DTHD1: variants seen among roughly 807,000 people sequenced by gnomAD.
DTHD1 encodes the protein death domain-containing protein 1.
A neutral mutation model predicts 74.8 loss-of-function variants in DTHD1; 59 were observed. The ratio of observed to expected loss-of-function variants is 0.79; its 90% confidence interval spans 0.64 to 0.98. The LOEUF is 0.98. DTHD1 is among the 50% of genes least tolerant of loss of function. The probability of loss-of-function intolerance (pLI) is 0.00; values close to 1 mark genes in which losing one functional copy is unlikely to be tolerated. For missense variants in DTHD1, 1,051 were observed against 1,065.4 expected (o/e 0.99, Z 0.19); for synonymous variants, 365 against 371.1 (o/e 0.98, Z 0.19).
chr4:36,314,359 A>G (rs1314320157), intron 7 of DTHD1, among the ~76,000 whole-genome samples: 1 of 152,016 alleles, frequency 6.6e-6, no homozygotes, highest in African/African-American at 2.4e-5. Flanking sequence ...TAACCGAAGG[A>G]AGTTTCCATG....
Position 36,302,501 on chromosome 4 carries a change from A to C in DTHD1, c.1644-3690A>C, listed in dbSNP as rs1282441013. Among the ~76,000 whole-genome samples, 3 of 152,228 alleles carry C rather than the reference A, an allele frequency of 2.0e-5. No homozygotes were observed. In the South Asian group the frequency reaches 6.2e-4, roughly 32 times the overall value. ...GTGATTACACCGATTACAAATGGTA[A>C]AATTAAGGTACAGAGTTTGTCATAA... On this transcript the variant is annotated intron_variant, in intron 5 of 9. Coordinates refer to ENST00000639862, the MANE Select transcript of DTHD1 (RefSeq NM_001170700.3).
chr4:36,309,936 A>G (rs558712833), intron 7 of DTHD1, among the ~76,000 whole-genome samples: 8 of 152,330 alleles, frequency 5.3e-5, no homozygotes, highest in South Asian at 2.1e-4. Flanking sequence ...GCTCCCACTT[A>G]TAAGAACATG....
chr4:36,339,149 G>T lies in DTHD1; in HGVS notation c.2378G>T (p.Arg793Ile). 6.5e-7 allele frequency: 1 copy of T among 1,547,756 alleles called. No homozygotes were observed. The highest frequency in any genetic ancestry group is 8.7e-7 in the Non-Finnish European group (1 of 1,144,060). ...KLINRPQSTK[R>I]VSKDPVEALW... is the part of the protein sequence containing the mutation. The stretch of plus-strand genomic sequence containing the variant: ...ATCAACCGTCCACAGAGTACCAAAA[G>T]AGTTTCTAAGGATCCTGTAGGTGAG... The change falls in exon 9 of 10, where the codon AGA becomes ATA. Residue 793 changes from arginine (R) to isoleucine (I), a missense_variant. By Grantham distance (97) the Arg-to-Ile change is moderately conservative. Coordinates refer to ENST00000639862, the MANE Select transcript of DTHD1 (RefSeq NM_001170700.3).
At chr4:36,337,077 G>A (rs113996766) in intron 8 of DTHD1, among the ~76,000 whole-genome samples, 1,822 of 152,222 alleles carry the variant, frequency 0.012, 25 homozygotes, top group African/African-American at 0.042. Context: ...TTGGCTGACT[G>A]TTCTGCTTGT....
At chr4:36,282,368 C>T (rs930681106) in intron 1 of DTHD1, among the ~76,000 whole-genome samples, 3 of 152,250 alleles carry the variant, frequency 2.0e-5, no homozygotes, top group East Asian at 1.9e-4. Context: ...AAGAGAGAGT[C>T]GGTAATTTTA....
intron 8 of DTHD1, among the ~76,000 whole-genome samples, chr4:36,325,267 A>G (rs1758275366): frequency 6.6e-6 from 1 of 152,236 alleles, no homozygotes; most frequent in African/African-American, 2.4e-5. Context: ...TGAGTAAACA[A>G]CAAAATCTCT....
chr4:36,320,260 C>T (rs1180630479), intron 8 of DTHD1, among the ~76,000 whole-genome samples: 1 of 152,198 alleles, frequency 6.6e-6, no homozygotes, highest in African/African-American at 2.4e-5. Context: ...AATTTTCTCT[C>T]CCCAAGGGTG....
At chr4:36,308,113 G>T (rs1757162382) in intron 6 of DTHD1, 91 bp from the exon 7 acceptor site, 1 of 1,209,694 alleles carries the variant, frequency 8.3e-7, no homozygotes, top group East Asian at 2.6e-5. Context: ...ACGTCTGTTT[G>T]ATATGACTCT....
At position 36,345,025 on chromosome 4, in the gene DTHD1, G is replaced by A. The variant is rs770540654; in HGVS notation, c.*1201G>A. The A allele has an allele frequency of 6.6e-6, 1 of 152,082 alleles. No individual in the cohort carries two copies. Among genetic ancestry groups the A allele is most frequent in the Admixed American group, 6.6e-5 (1 of 15,258 alleles). The allele number at this position is 152,082 out of a possible 1,614,324, so 9.4% of individuals were successfully genotyped here. A position where few individuals can be genotyped will look rare whatever the true frequency, so the allele number is the denominator to read the frequency against. ...CTTTATAAAAATATAACTTGGAAGA[G>A]GGAAAATTCCATATTTTGTTATTAG... is the stretch of plus-strand genomic sequence containing the variant. On this transcript the variant is annotated 3_prime_UTR_variant, in exon 10 of 10. Coordinates refer to ENST00000639862, the MANE Select transcript of DTHD1 (RefSeq NM_001170700.3).
chr4:36,302,486 C>G lies in DTHD1; in HGVS notation c.1644-3705C>G, dbSNP rs572647796. On this transcript the variant is annotated intron_variant, in intron 5 of 9. Coordinates refer to ENST00000639862, the MANE Select transcript of DTHD1 (RefSeq NM_001170700.3). ...AACTGATATCCAACAGTGATTACAC[C>G]GATTACAAATGGTAAAATTAAGGTA... 1.9e-4 allele frequency among the ~76,000 whole-genome samples: 29 copies of G among 151,708 alleles called. No homozygotes were observed. In the South Asian group the frequency reaches 5.6e-3, roughly 29 times the overall value.
At chr4:36,307,029 G>A (rs1757096524) in intron 6 of DTHD1, among the ~76,000 whole-genome samples, 1 of 152,226 alleles carries the variant, frequency 6.6e-6, no homozygotes, top group African/African-American at 2.4e-5. Context: ...GCTCCGGGGA[G>A]CTCTGCAGTG....
chr4:36,326,381 T>A (rs553653397), intron 8 of DTHD1, among the ~76,000 whole-genome samples: 98 of 150,772 alleles, frequency 6.5e-4, no homozygotes, highest in South Asian at 1.5e-3. Flanking sequence ...TGCTAGTAAC[T>A]TGACAAAGCA....
intron 5 of DTHD1, among the ~76,000 whole-genome samples, chr4:36,297,666 A>C (rs1024633129): frequency 1.3e-5 from 2 of 152,102 alleles, no homozygotes; most frequent in African/African-American, 4.8e-5. Flanking sequence ...CAGCTTCATG[A>C]CTTAGTTCAA....
intron 6 of DTHD1, among the ~76,000 whole-genome samples, chr4:36,307,275 G>C (rs1339777663): frequency 6.6e-6 from 1 of 152,214 alleles, no homozygotes; most frequent in Non-Finnish European, 1.5e-5. Flanking sequence ...CTGGAGGCCA[G>C]AAGTACAAAA....
At chr4:36,331,474 A>C (rs1758667253) in intron 8 of DTHD1, among the ~76,000 whole-genome samples, 1 of 152,226 alleles carries the variant, frequency 6.6e-6, no homozygotes, top group Admixed American at 6.5e-5. Context: ...ATCCATGCTA[A>C]AGATACACAG....
Position 36,294,787 on chromosome 4 carries a change from T to G in DTHD1, c.1399-8T>G. 1 of 1,500,310 alleles carries G rather than the reference T, an allele frequency of 6.7e-7. No individual in the cohort carries two copies. Among genetic ancestry groups the G allele is most frequent in the Non-Finnish European group, 8.9e-7 (1 of 1,125,270 alleles). 92.9% of individuals were successfully genotyped at this position (1,500,310 alleles called of 1,614,324 possible). On this transcript the variant is annotated splice_region_variant and splice_polypyrimidine_tract_variant and intron_variant, in intron 4 of 9. Transcript: ENST00000639862. ...TAAAACATAAGAAAAAATATATTTT[T>G]TGTTTAGATCCAACCAGTTGACCCA...
At chr4:36,339,300 C>A in intron 9 of DTHD1, 131 bp downstream of exon 9, 2 of 587,934 alleles carry the variant, frequency 3.4e-6, no homozygotes, top group African/African-American at 1.9e-5. Context: ...ACTTTATTGG[C>A]CTAATAAATA....
chr4:36,342,054 G>A (rs1039802367), intron 9 of DTHD1, among the ~76,000 whole-genome samples: 4 of 152,212 alleles, frequency 2.6e-5, no homozygotes, highest in African/African-American at 9.7e-5. Flanking sequence ...GTCACAAGAT[G>A]TGTCATTGGA....
chr4:36,293,543 A>G lies in DTHD1; in HGVS notation c.1236A>G (p.Val412=). ...KGGYKGTCAS[V]KVYKLGIFSV... Reference sequence around the variant, plus strand: ...CTATACAGGGGACCTGTGCTTCAGTAAAAGTTTACAAATTGGGTATCTTTT... The same window carrying G: ...CTATACAGGGGACCTGTGCTTCAGTGAAAGTTTACAAATTGGGTATCTTTT... The change falls in exon 4 of 10, where the codon GTA becomes GTG. Residue 412 remains valine, a synonymous_variant. Transcript: ENST00000639862. The G allele has an allele frequency of 6.5e-7, 1 of 1,544,290 alleles. No homozygotes were observed. Among genetic ancestry groups the G allele is most frequent in the Non-Finnish European group, 8.8e-7 (1 of 1,142,444 alleles).
Sources: gnomAD v4.1 joint callset for allele counts (sites outside exome capture counted in the v4.1 genomes callset) on GRCh38, gnomAD v4.1.1 for gene constraint, MANE v1.5 for transcripts, NCBI Gene and HGNC (gene_info 2026-07-23, HGNC 2026-07-21) for gene names.